Variants in TMEM132B observed in about 807,000 individuals in gnomAD.
TMEM132B encodes transmembrane protein 132B.
Under a neutral mutation model 90.8 loss-of-function variants are expected in TMEM132B, and 18 were observed. The observed-to-expected ratio is 0.20, with a 90% CI of 0.14 to 0.29. The LOEUF (loss-of-function observed/expected upper bound fraction) is 0.29, where lower values mean the gene tolerates loss of function less well. Among genes scored for constraint, TMEM132B ranks in the 10% least tolerant of loss-of-function variants. TMEM132B has a pLI of 1.00. For missense variants in TMEM132B, 1,096 were observed against 1,326.8 expected (o/e 0.83, Z 2.70); for synonymous variants, 504 against 523.3 (o/e 0.96, Z 0.50).
At chr12:125,542,157 G>C (rs1432511151) in intron 4 of TMEM132B, among the ~76,000 whole-genome samples, 1 of 150,846 alleles carries the variant, frequency 6.6e-6, no homozygotes, top group Non-Finnish European at 1.5e-5. Flanking sequence ...GCATGAATTT[G>C]ATTTGCTCTT....
rs761330203 is a variant in TMEM132B at position 125,349,622 on chromosome 12, A to G, written c.238A>G (p.Ile80Val). 3.7e-6 allele frequency: 6 copies of G among 1,613,956 alleles called. No individual in the cohort carries two copies. The highest frequency in any genetic ancestry group is 2.2e-5 in the East Asian group (1 of 44,884). Residue 80 changes from isoleucine to valine, a missense_variant, in exon 2 of 9, where the codon ATC (isoleucine) becomes GTC (valine). Transcript: ENST00000682704. The surrounding 1 kb of genome is among the most constrained non-coding windows in gnomAD (Gnocchi z 4.1). Reference sequence around the variant, plus strand: ...GCAGGCCCGGGTGGAGCCATTCTTCATCTACCGAGCCAGGACACCCCCTAT... The same window carrying G: ...GCAGGCCCGGGTGGAGCCATTCTTCGTCTACCGAGCCAGGACACCCCCTAT... ...SLQARVEPFF[I>V]YRARTPPIIN...
chr12:125,624,531 G>A (rs890263085), intron 5 of TMEM132B, among the ~76,000 whole-genome samples: 5 of 152,138 alleles, frequency 3.3e-5, no homozygotes, highest in Non-Finnish European at 7.4e-5. Context: ...AGATACAAAG[G>A]TGACTGGGGA....
At chr12:125,494,993 T>C (rs949542189) in intron 3 of TMEM132B, among the ~76,000 whole-genome samples, 68 of 58,116 alleles carry the variant, frequency 1.2e-3, no homozygotes, top group Middle Eastern at 0.021. Flanking sequence ...TGGAAATGGC[T>C]GTGTCCCTCC....
intron 3 of TMEM132B, among the ~76,000 whole-genome samples, chr12:125,497,168 C>T (rs759449169): frequency 6.6e-6 from 1 of 152,174 alleles, no homozygotes; most frequent in Non-Finnish European, 1.5e-5. Context: ...TTCCTCATTG[C>T]CCTGCTGTTG....
intron 3 of TMEM132B, among the ~76,000 whole-genome samples, chr12:125,497,465 G>T (rs534500099): frequency 3.3e-5 from 5 of 152,282 alleles, no homozygotes; most frequent in Admixed American, 6.5e-5. Flanking sequence ...GGCTTCCAAG[G>T]TTCCATACTT....
intron 5 of TMEM132B, among the ~76,000 whole-genome samples, chr12:125,627,814 C>T (rs1886270075): frequency 6.6e-6 from 1 of 152,174 alleles, no homozygotes; most frequent in Non-Finnish European, 1.5e-5. Context: ...CCCCACAGCA[C>T]CCACTGCCCT....
intron 1 of TMEM132B, among the ~76,000 whole-genome samples, chr12:125,199,890 G>A (rs986277675): frequency 3.3e-5 from 5 of 152,206 alleles, no homozygotes; most frequent in African/African-American, 1.2e-4. Context: ...GCTGCCTCAT[G>A]TATCTCATTG....
intron 5 of TMEM132B, among the ~76,000 whole-genome samples, chr12:125,630,640 A>G (rs1886346531): frequency 6.6e-6 from 1 of 152,068 alleles, no homozygotes; most frequent in African/African-American, 2.4e-5. Context: ...GGTTTGTTAT[A>G]TAGGTAAACT....
At chr12:125,442,425 G>A (rs1015467460) in intron 3 of TMEM132B, among the ~76,000 whole-genome samples, 1 of 152,182 alleles carries the variant, frequency 6.6e-6, no homozygotes, top group South Asian at 2.1e-4. Flanking sequence ...TTGGGGGTCA[G>A]AGCTGAGCTC....
At chr12:125,264,166 C>G (rs1341594682) in intron 1 of TMEM132B, among the ~76,000 whole-genome samples, 4 of 152,170 alleles carry the variant, frequency 2.6e-5, no homozygotes, top group African/African-American at 9.7e-5. Flanking sequence ...GTCTTGAAAG[C>G]ATGCATTCAA....
At chr12:125,385,583 C>T (rs1373111572) in intron 2 of TMEM132B, among the ~76,000 whole-genome samples, 1 of 152,186 alleles carries the variant, frequency 6.6e-6, no homozygotes, top group Non-Finnish European at 1.5e-5. Flanking sequence ...TTGTGTTGGA[C>T]AAAGACCTTA....
At position 125,657,164 on chromosome 12, in the gene TMEM132B, A is replaced by G. The variant is rs1887085799; in HGVS notation, c.*2454A>G. The stretch of plus-strand genomic sequence containing the variant: ...CACAGTCCTGAAGATGCTTCTTGTG[A>G]CAACTTAGAGTCACTGGGAGTCACA... On this transcript the variant is annotated 3_prime_UTR_variant, in exon 9 of 9. Transcript: ENST00000682704. 2 of 152,216 alleles carry G rather than the reference A, an allele frequency of 1.3e-5. No individual in the cohort carries two copies. Among genetic ancestry groups the G allele is most frequent in the African/African-American group, 4.8e-5 (2 of 41,446 alleles). 9.4% of individuals were successfully genotyped at this position (152,216 alleles called of 1,614,324 possible). A position where few individuals can be genotyped will look rare whatever the true frequency, so the allele number is the denominator to read the frequency against.
At chr12:125,464,299 G>C (rs927404321) in intron 3 of TMEM132B, among the ~76,000 whole-genome samples, 1 of 152,244 alleles carries the variant, frequency 6.6e-6, no homozygotes, top group East Asian at 1.9e-4. Flanking sequence ...GCTCTGACTC[G>C]GTCTAGAATG....
chr12:125,318,416 G>T (rs149805292), intron 1 of TMEM132B, among the ~76,000 whole-genome samples: 1 of 151,630 alleles, frequency 6.6e-6, no homozygotes, highest in Non-Finnish European at 1.5e-5. Flanking sequence ...GATTTGTTAC[G>T]TAGGTAAATG....
intron 1 of TMEM132B, among the ~76,000 whole-genome samples, chr12:125,248,044 CTT>C (rs1874243296): frequency 6.6e-6 from 1 of 152,188 alleles, no homozygotes; most frequent in Non-Finnish European, 1.5e-5. Flanking sequence ...TGGCAGAAGA[CTT>C]TACATAAAAT....
At position 125,550,298 on chromosome 12, in the gene TMEM132B, G is replaced by A. The variant is rs188174922; in HGVS notation, c.1293+30673G>A. On this transcript the variant is annotated intron_variant, in intron 4 of 8. Coordinates refer to ENST00000682704, the MANE Select transcript of TMEM132B (RefSeq NM_001366854.1). Reference sequence around the variant, plus strand: ...GGCACACCTTCTGTTTGTTCCTTGGGTACTCTCCCTCAGCCCTAGAGGTGG... The same window carrying A: ...GGCACACCTTCTGTTTGTTCCTTGGATACTCTCCCTCAGCCCTAGAGGTGG... Among the ~76,000 whole-genome samples, 899 of 152,264 alleles carry A rather than the reference G, an allele frequency of 5.9e-3. 10 individuals carry two copies. Among genetic ancestry groups the A allele is most frequent in the African/African-American group, 0.021 (866 of 41,546 alleles).
intron 5 of TMEM132B, among the ~76,000 whole-genome samples, chr12:125,598,425 G>A (rs745742917): frequency 2.6e-5 from 4 of 152,090 alleles, no homozygotes; most frequent in Non-Finnish European, 1.5e-5. Context: ...CAGCAACAAA[G>A]TCATGATACT....
At chr12:125,505,195 A>AAAAAAAAAAAAAAAAAAAAAAC (rs1183847146) in intron 3 of TMEM132B, among the ~76,000 whole-genome samples, 3 of 147,898 alleles carry the variant, frequency 2.0e-5, no homozygotes, top group Non-Finnish European at 1.5e-5. Flanking sequence ...AAAAAAAAAA[A>AAAAAAAAAAAAAAAAAAAAAAC]CAGTAAGTGG....
Position 125,415,499 on chromosome 12 carries a change from A to G in TMEM132B, c.960-32A>G. 6.2e-7 allele frequency: 1 copy of G among 1,610,874 alleles called. No homozygotes were observed. Among genetic ancestry groups the G allele is most frequent in the Non-Finnish European group, 8.5e-7 (1 of 1,178,638 alleles). On this transcript the variant is annotated intron_variant, in intron 2 of 8. Transcript: ENST00000682704. The surrounding 1 kb of genome is among the most constrained non-coding windows in gnomAD (Gnocchi z 5.3). ...TGTTTCAAACTAAAATGGTTTTATT[A>G]TATATAATATCATTGTTTTCCCACC...
Sources: allele counts gnomAD v4.1 joint callset (sites outside exome capture counted in the v4.1 genomes callset), GRCh38; gene constraint gnomAD v4.1.1; non-coding constraint Gnocchi (gnomAD v3.1); transcripts MANE v1.5; gene names NCBI Gene and HGNC (gene_info 2026-07-23, HGNC 2026-07-21).